The following PDLIM5 variants were observed in gnomAD, a reference collection of about 807,000 sequenced individuals.
PDLIM5 encodes PDZ and LIM domain protein 5.
PDLIM5 carries 34 observed loss-of-function variants against 64.2 expected under a neutral mutation model. That is an observed-to-expected ratio of 0.53 (90% CI 0.40 to 0.71). The LOEUF is 0.71. Ranked by LOEUF, PDLIM5 falls within the 30% of genes least tolerant of loss-of-function variation. The probability of loss-of-function intolerance (pLI) is 0.00; values close to 1 mark genes in which losing one functional copy is unlikely to be tolerated. For missense variants in PDLIM5, 683 were observed against 733.6 expected (o/e 0.93, Z 0.80); for synonymous variants, 253 against 269.1 (o/e 0.94, Z 0.59).
In PDLIM5 at chr4:94,610,147, T is replaced by G. The variant is rs553476065; in HGVS notation, c.921-7857T>G. The G allele has an allele frequency of 8.7e-6, 13 of 1,495,518 alleles. No homozygotes were observed. The African/African-American group carries it at 1.5e-4, about 18-fold the overall frequency. 92.6% of individuals were successfully genotyped at this position (1,495,518 alleles called of 1,614,324 possible). ...TTTTTGTTCCTCTCCTGTTTTTCTTTCCCTACCTGTCAGTTTAAGCAGCTC... is the reference window on the plus strand; with the variant it reads ...TTTTTGTTCCTCTCCTGTTTTTCTTGCCCTACCTGTCAGTTTAAGCAGCTC... On this transcript the variant is annotated intron_variant, in intron 7 of 12. Transcript: ENST00000317968.
intron 3 of PDLIM5, among the ~76,000 whole-genome samples, chr4:94,564,545 T>C (rs534730394): frequency 4.6e-5 from 7 of 152,174 alleles, no homozygotes; most frequent in Non-Finnish European, 1.0e-4. Flanking sequence ...TGTCCTTTCC[T>C]GTGTCTTGCT....
intron 9 of PDLIM5, among the ~76,000 whole-genome samples, chr4:94,647,851 CA>C (rs1178001332): frequency 6.6e-6 from 1 of 151,966 alleles, no homozygotes; most frequent in African/African-American, 2.4e-5. Context: ...AAATCAATAA[CA>C]GAAGAAAATT....
intron 2 of PDLIM5, among the ~76,000 whole-genome samples, chr4:94,469,473 A>G (rs1415641497): frequency 6.6e-6 from 1 of 152,164 alleles, no homozygotes; most frequent in African/African-American, 2.4e-5. Flanking sequence ...GAGACAGGAA[A>G]GAGCTGAATG....
At chr4:94,453,809 C>T (rs1723077409) in intron 1 of PDLIM5, among the ~76,000 whole-genome samples, 1 of 152,066 alleles carries the variant, frequency 6.6e-6, no homozygotes, top group Non-Finnish European at 1.5e-5. Flanking sequence ...TCCGGCTTGG[C>T]CTTTGGATCT....
intron 6 of PDLIM5, among the ~76,000 whole-genome samples, chr4:94,585,967 C>T (rs1310545318): frequency 2.0e-5 from 3 of 152,006 alleles, no homozygotes; most frequent in East Asian, 1.9e-4. Flanking sequence ...GTCATGAGTT[C>T]GAGACCAGAC....
In PDLIM5 at chr4:94,529,420, AT is replaced by A. The variant is rs1730661143; in HGVS notation, c.248+5552del. On this transcript the variant is annotated intron_variant, in intron 3 of 12. Coordinates refer to ENST00000317968, the MANE Select transcript of PDLIM5 (RefSeq NM_006457.5). Reference sequence around the variant, plus strand: ...AATTACCAGTAATTTTGTTTTGTTAATTTTTTTGCATTGAATATTATTCTTA... The same window carrying A: ...AATTACCAGTAATTTTGTTTTGTTAATTTTTTGCATTGAATATTATTCTTA... Among the ~76,000 whole-genome samples, 4 of 152,044 alleles carry A rather than the reference AT, an allele frequency of 2.6e-5. No homozygotes were observed. In the South Asian group the frequency reaches 8.3e-4, roughly 32 times the overall value.
At chr4:94,641,444 T>C (rs1388951469) in intron 9 of PDLIM5, among the ~76,000 whole-genome samples, 1 of 152,190 alleles carries the variant, frequency 6.6e-6, no homozygotes, top group Non-Finnish European at 1.5e-5. Context: ...ATAATATATG[T>C]GTCAAGAACA....
At position 94,575,866 on chromosome 4, in the gene PDLIM5, C is replaced by G. The variant is rs1735205042; in HGVS notation, c.542C>G (p.Ala181Gly). 1 of 1,614,046 alleles carries G rather than the reference C, an allele frequency of 6.2e-7. No homozygotes were observed. The highest frequency in any genetic ancestry group is 8.5e-7 in the Non-Finnish European group (1 of 1,180,036). The change falls in exon 5 of 13, where the codon GCT (alanine) becomes GGT (glycine). Residue 181 changes from alanine (A) to glycine (G), a missense_variant. Coordinates refer to ENST00000317968, the MANE Select transcript of PDLIM5 (RefSeq NM_006457.5). The part of the protein sequence containing the change: ...PPLFAASGLH[A>G]NANLSADQSP... ...CTGTTCGCTGCATCTGGACTGCATG[C>G]TAATGCCAATCTTAGTGCTGACCAG...
At chr4:94,502,161 G>C (rs568484293) in intron 2 of PDLIM5, among the ~76,000 whole-genome samples, 2 of 152,214 alleles carry the variant, frequency 1.3e-5, no homozygotes, top group African/African-American at 2.4e-5. Context: ...TTTGAAGCTT[G>C]TGTGATGTTT....
At chr4:94,538,704 C>T (rs1002530752) in intron 3 of PDLIM5, among the ~76,000 whole-genome samples, 1 of 152,112 alleles carries the variant, frequency 6.6e-6, no homozygotes, top group Admixed American at 6.5e-5. Flanking sequence ...AGCATGTTTT[C>T]CATTTTCTGT....
At chr4:94,659,484 ATATGTGTGTATG>A (rs1276353017) in intron 11 of PDLIM5, among the ~76,000 whole-genome samples, 32 of 133,794 alleles carry the variant, frequency 2.4e-4, no homozygotes, top group African/African-American at 7.0e-4. Context: ...GCTGTAGTAT[ATATGTGTGTATG>A]TGTGTGTGTG....
chr4:94,523,863 T>G lies in PDLIM5; in HGVS notation c.236T>G (p.Met79Arg). Residue 79 changes from methionine to arginine, a missense_variant, in exon 3 of 13, where the codon ATG becomes AGG. Met to Arg is a moderately conservative substitution (Grantham distance 91). Transcript: ENST00000317968. ...KIKGCTGSLNMTLQRASAAPK... is the reference protein window; with the variant it reads ...KIKGCTGSLNRTLQRASAAPK... ...AAGGGTTGTACAGGCTCTTTGAATA[T>G]GACTCTGCAAAGGTAAGTTGCTTTT... The G allele has an allele frequency of 1.9e-6, 3 of 1,612,220 alleles. No homozygotes were observed. Among genetic ancestry groups the G allele is most frequent in the Non-Finnish European group, 2.5e-6 (3 of 1,178,762 alleles).
Position 94,533,941 on chromosome 4 carries a change from A to G in PDLIM5, c.248+10066A>G, listed in dbSNP as rs1203546094. On this transcript the variant is annotated intron_variant, in intron 3 of 12. Transcript: ENST00000317968. ...AGAGGATTGCTTAGTCAAATGAGTGATTTTGGATCATGTAGATGTAATTAA... is the reference window on the plus strand; with the variant it reads ...AGAGGATTGCTTAGTCAAATGAGTGGTTTTGGATCATGTAGATGTAATTAA... Among the ~76,000 whole-genome samples the G allele has an allele frequency of 2.0e-5, 3 of 152,198 alleles. No individual in the cohort carries two copies. In the East Asian group the frequency reaches 5.8e-4, roughly 29 times the overall value.
At chr4:94,610,160 G>A (rs984557894) in intron 7 of PDLIM5, 75 of 1,516,196 alleles carry the variant, frequency 4.9e-5, no homozygotes, top group Non-Finnish European at 5.8e-5. Context: ...CTACCTGTCA[G>A]TTTAAGCAGC....
chr4:94,647,635 C>G (rs1485917750), intron 9 of PDLIM5, among the ~76,000 whole-genome samples: 1 of 152,106 alleles, frequency 6.6e-6, no homozygotes, highest in Admixed American at 6.5e-5. Context: ...TTGAACAACA[C>G]TAAATACCAA....
rs1304779363 is a variant in PDLIM5 at position 94,488,460 on chromosome 4, T to C, written c.96+33076T>C. Among the ~76,000 whole-genome samples, 5 of 152,208 alleles carry C rather than the reference T, an allele frequency of 3.3e-5. No individual in the cohort carries two copies. In the East Asian group the frequency reaches 7.7e-4, roughly 23 times the overall value. On this transcript the variant is annotated intron_variant, in intron 2 of 12. Coordinates refer to ENST00000317968, the MANE Select transcript of PDLIM5 (RefSeq NM_006457.5). ...TCTTTATAAATGGAAAAATAATTTT[T>C]TTAAAGTAAACCATGATATTCTTAA...
At chr4:94,559,052 C>T (rs528467401) in intron 3 of PDLIM5, among the ~76,000 whole-genome samples, 2 of 151,994 alleles carry the variant, frequency 1.3e-5, no homozygotes, top group East Asian at 1.9e-4. Context: ...TTTTGATTAG[C>T]CTAGTAAGAA....
intron 11 of PDLIM5, among the ~76,000 whole-genome samples, chr4:94,661,765 G>A (rs1162277222): frequency 6.6e-6 from 1 of 151,274 alleles, no homozygotes; most frequent in African/African-American, 2.4e-5. Flanking sequence ...GTTATTAGAA[G>A]TCCTTTGTAT....
intron 3 of PDLIM5, among the ~76,000 whole-genome samples, chr4:94,543,729 T>G (rs1190045142): frequency 1.3e-5 from 2 of 151,570 alleles, no homozygotes; most frequent in African/African-American, 4.8e-5. Context: ...TCATACATGT[T>G]TTCACAAATG....
Sources: gnomAD v4.1 joint callset for allele counts (sites outside exome capture counted in the v4.1 genomes callset) on GRCh38, gnomAD v4.1.1 for gene constraint, MANE v1.5 for transcripts, NCBI Gene and HGNC (gene_info 2026-07-23, HGNC 2026-07-21) for gene names.